Variants in NCOA2 observed in about 807,000 individuals in gnomAD.
NCOA2 encodes the protein class E basic helix-loop-helix protein 75.
In NCOA2, 21 loss-of-function variants were observed where a neutral mutation model predicts 145.1. The observed-to-expected ratio is 0.14, with a 90% CI of 0.10 to 0.21. The LOEUF is 0.21. Ranked by LOEUF, NCOA2 falls within the 10% of genes least tolerant of loss-of-function variation. The probability of loss-of-function intolerance (pLI) is 1.00; values close to 1 mark genes in which losing one functional copy is unlikely to be tolerated. For missense variants in NCOA2, 1,472 were observed against 1,837.6 expected (o/e 0.80, Z 3.64); for synonymous variants, 619 against 637.5 (o/e 0.97, Z 0.44).
intron 1 of NCOA2, among the ~76,000 whole-genome samples, chr8:70,334,942 G>A (rs1004274947): frequency 5.9e-5 from 9 of 151,616 alleles, no homozygotes; most frequent in African/African-American, 1.7e-4. Context: ...TGACCGACAC[G>A]GTGAAACCCT....
chr8:70,219,561 G>C (rs1272803566), intron 2 of NCOA2, among the ~76,000 whole-genome samples: 1 of 152,102 alleles, frequency 6.6e-6, no homozygotes, highest in Non-Finnish European at 1.5e-5. Context: ...TCCAGGAAGT[G>C]CCAACATGCA....
intron 2 of NCOA2, among the ~76,000 whole-genome samples, chr8:70,264,928 T>A (rs1210272600): frequency 6.6e-6 from 1 of 152,034 alleles, no homozygotes; most frequent in Non-Finnish European, 1.5e-5. Flanking sequence ...AAAAAAATAC[T>A]AAATATTATA....
At chr8:70,220,695 C>T (rs1229740456) in intron 2 of NCOA2, among the ~76,000 whole-genome samples, 2 of 152,122 alleles carry the variant, frequency 1.3e-5, no homozygotes, top group Non-Finnish European at 2.9e-5. Flanking sequence ...TGGAATTCAC[C>T]AATATAATTT....
chr8:70,210,769 G>T (rs148814568), intron 4 of NCOA2, among the ~76,000 whole-genome samples: 1 of 152,302 alleles, frequency 6.6e-6, no homozygotes, highest in Admixed American at 6.5e-5. Flanking sequence ...GTTCCATAAA[G>T]ATGAGCCCAG....
intron 12 of NCOA2, 28 bp downstream of exon 12, chr8:70,148,245 G>A: frequency 6.3e-7 from 1 of 1,598,580 alleles, no homozygotes; most frequent in South Asian, 1.1e-5. Context: ...GAAATTTCTT[G>A]GCATAACCAG....
intron 1 of NCOA2, among the ~76,000 whole-genome samples, chr8:70,367,939 T>C (rs1810862381): frequency 6.6e-6 from 1 of 152,192 alleles, no homozygotes; most frequent in South Asian, 2.1e-4. Context: ...GGTTTCAATA[T>C]GTGTAAAATA....
chr8:70,314,450 G>A (rs1182209093), intron 1 of NCOA2, among the ~76,000 whole-genome samples: 2 of 151,914 alleles, frequency 1.3e-5, no homozygotes, highest in Non-Finnish European at 2.9e-5. Context: ...GCATATTTTG[G>A]AAGGTCACAT....
At chr8:70,357,254 T>C (rs1246892935) in intron 1 of NCOA2, 4 of 151,860 alleles carry the variant, frequency 2.6e-5, no homozygotes, top group African/African-American at 9.7e-5. Context: ...ATTAAGAAAA[T>C]TCCATTTACC....
At position 70,170,251 on chromosome 8, in the gene NCOA2, A is replaced by C; in HGVS notation, c.492T>G (p.His164Gln). ...TGACAAATTCCGTGTGGTCCCCAAC[A>C]TGCAAGATGCTATATACACTTTTGT... ...LMNKSVYSIL[H>Q]VGDHTEFVKN... Residue 164 changes from histidine (H) to glutamine (Q), a missense_variant, in exon 6 of 23, where the codon CAT becomes CAG. Physicochemically the swap from His to Gln is conservative, Grantham distance 24 (BLOSUM62 0). Transcript: ENST00000452400. 6.2e-7 allele frequency: 1 copy of C among 1,613,432 alleles called. No homozygotes were observed. Among genetic ancestry groups the C allele is most frequent in the Non-Finnish European group, 8.5e-7 (1 of 1,179,730 alleles).
chr8:70,275,137 A>G lies in NCOA2; in HGVS notation c.-20+21607T>C, dbSNP rs1473410. ...ATGAGCAGATATTCCAAAAATCAAA[A>G]TAAGTACAAATATGCCATCTTCTAA... is the stretch of plus-strand genomic sequence containing the variant. On this transcript the variant is annotated intron_variant, in intron 2 of 22. Transcript: ENST00000452400. 3.9e-3 allele frequency among the ~76,000 whole-genome samples: 587 copies of G among 152,330 alleles called. 9 individuals are homozygous for G. Among genetic ancestry groups the G allele is most frequent in the African/African-American group, 0.014 (563 of 41,574 alleles).
At chr8:70,188,164 A>G (rs1262507317) in intron 4 of NCOA2, among the ~76,000 whole-genome samples, 1 of 152,178 alleles carries the variant, frequency 6.6e-6, no homozygotes, top group Admixed American at 6.5e-5. Context: ...ATGATGGTGT[A>G]CTCATTTCAT....
chr8:70,423,136 A>G, the NCOA2 span, among the ~76,000 whole-genome samples: 1 of 152,078 alleles, frequency 6.6e-6, no homozygotes, highest in Non-Finnish European at 1.5e-5. Flanking sequence ...GCTCAGTGTA[A>G]AGGCTGAGCC....
chr8:70,421,672 T>G, the NCOA2 span, among the ~76,000 whole-genome samples: 1 of 151,484 alleles, frequency 6.6e-6, no homozygotes, highest in Non-Finnish European at 1.5e-5. Flanking sequence ...ATGATTGGCA[T>G]GTTTAGGTGT....
chr8:70,166,763 G>A lies in NCOA2; in HGVS notation c.542-9C>T. On this transcript the variant is annotated splice_polypyrimidine_tract_variant and intron_variant, in intron 6 of 22. Transcript: ENST00000452400. ...CCAAGATCCCCCATTTACTGAGCAA[G>A]GCAAAAGTAATCCAGTTTTACAAAG... The A allele has an allele frequency of 1.2e-6, 2 of 1,604,488 alleles. No homozygotes were observed. The highest frequency in any genetic ancestry group is 1.3e-5 in the African/African-American group (1 of 74,522).
chr8:70,267,804 A>G (rs1054708352), intron 2 of NCOA2, among the ~76,000 whole-genome samples: 1 of 152,236 alleles, frequency 6.6e-6, no homozygotes, highest in African/African-American at 2.4e-5. Flanking sequence ...TTATCACATA[A>G]GGCACAAACG....
intron 4 of NCOA2, among the ~76,000 whole-genome samples, chr8:70,180,759 T>G (rs1002486477): frequency 3.9e-5 from 6 of 152,226 alleles, no homozygotes; most frequent in Non-Finnish European, 8.8e-5. Context: ...GCAGTGGCTA[T>G]TCACAGGTGT....
intron 2 of NCOA2, among the ~76,000 whole-genome samples, chr8:70,285,988 G>A (rs1490452923): frequency 1.3e-5 from 2 of 152,144 alleles, no homozygotes; most frequent in Non-Finnish European, 2.9e-5. Context: ...GCTAAAAATG[G>A]GGTAAGTTCT....
intron 2 of NCOA2, among the ~76,000 whole-genome samples, chr8:70,261,969 T>A (rs1824173158): frequency 6.6e-6 from 1 of 152,106 alleles, no homozygotes; most frequent in African/African-American, 2.4e-5. Flanking sequence ...CCACTGCAGA[T>A]AAATCTAAGT....
intron 2 of NCOA2, among the ~76,000 whole-genome samples, chr8:70,258,993 T>C (rs1263586780): frequency 1.3e-5 from 2 of 152,230 alleles, no homozygotes; most frequent in African/African-American, 4.8e-5. Context: ...AGCTGTATGG[T>C]GCACGTTCCA....
Sources: gnomAD v4.1 joint callset for allele counts (sites outside exome capture counted in the v4.1 genomes callset) on GRCh38, gnomAD v4.1.1 for gene constraint, MANE v1.5 for transcripts, NCBI Gene and HGNC (gene_info 2026-07-23, HGNC 2026-07-21) for gene names.